The following CILK1 variants were observed in gnomAD, a reference collection of about 807,000 sequenced individuals.
The protein encoded by CILK1 is serine/threonine-protein kinase ICK.
A neutral mutation model predicts 79.2 loss-of-function variants in CILK1; 47 were observed. The ratio of observed to expected loss-of-function variants is 0.59; its 90% CI spans 0.47 to 0.76. The LOEUF (loss-of-function observed/expected upper bound fraction) is 0.76, where lower values mean the gene tolerates loss of function less well. Among genes scored for constraint, CILK1 ranks in the 30% least tolerant of loss-of-function variants. The probability of loss-of-function intolerance (pLI) is 0.00; values close to 1 mark genes in which losing one functional copy is unlikely to be tolerated. For missense variants in CILK1, 660 were observed against 769.5 expected, an observed-to-expected ratio of 0.86 and a Z score of 1.68; for synonymous variants, 266 against 275.9, an observed-to-expected ratio of 0.96 and a Z score of 0.36.
chr6:53,006,627 C>T (rs1404772992), intron 12 of CILK1, among the ~76,000 whole-genome samples, 190 bp from the exon 13 acceptor site: 1 of 152,134 alleles, frequency 6.6e-6, no homozygotes, highest in African/African-American at 2.4e-5. Context: ...ACTGCGGGGG[C>T]CAAAGACAGT....
At chr6:53,019,486 A>G in intron 5 of CILK1, 127 bp from the exon 6 acceptor site, 1 of 944,586 alleles carries the variant, frequency 1.1e-6, no homozygotes, top group Non-Finnish European at 1.6e-6. Flanking sequence ...CAAAGGCTTT[A>G]TGCATTCATC....
intron 2 of CILK1, among the ~76,000 whole-genome samples, chr6:53,038,491 G>C (rs941401270): frequency 3.9e-5 from 6 of 152,180 alleles, no homozygotes; most frequent in Admixed American, 2.0e-4. Flanking sequence ...CTAGACAGCA[G>C]AGTTCTAGAC....
chr6:53,010,105 C>A lies in CILK1; in HGVS notation c.1493-538G>T, dbSNP rs116431040. On this transcript the variant is annotated intron_variant, in intron 11 of 13. Transcript: ENST00000676107. ...ACAACCAAAAAGAAATAAAATAGCT[C>A]TCTGATTCACTCCCTGCTCCTTTTT... Among the ~76,000 whole-genome samples the A allele has an allele frequency of 9.3e-3, 1,414 of 152,300 alleles. 19 individuals are homozygous for A. Among genetic ancestry groups the A allele is most frequent in the African/African-American group, 0.031 (1,307 of 41,562 alleles).
intron 1 of CILK1, among the ~76,000 whole-genome samples, chr6:53,058,151 A>G (rs1768062085): frequency 6.6e-6 from 1 of 152,204 alleles, no homozygotes; most frequent in Non-Finnish European, 1.5e-5. Flanking sequence ...AATCAGGAAT[A>G]GAAGCCTTCT....
intron 1 of CILK1, among the ~76,000 whole-genome samples, chr6:53,053,239 G>A (rs533240333): frequency 6.6e-6 from 1 of 152,226 alleles, no homozygotes; most frequent in South Asian, 2.1e-4. Context: ...AACACTGCTT[G>A]AGAAGTGAAT....
intron 1 of CILK1, among the ~76,000 whole-genome samples, chr6:53,059,935 T>C (rs1247088900): frequency 6.6e-6 from 1 of 152,330 alleles, no homozygotes; most frequent in South Asian, 2.1e-4. Flanking sequence ...GCTGTTGCAG[T>C]ACTGCAGGAG....
chr6:53,016,272 A>C, intron 7 of CILK1, 22 bp from the exon 8 acceptor site: 1 of 1,613,698 alleles, frequency 6.2e-7, no homozygotes, highest in Admixed American at 1.7e-5. Context: ...AAAAGATAGA[A>C]AATCTTGCTC....
At chr6:53,021,999 G>A (rs1012218894) in intron 5 of CILK1, among the ~76,000 whole-genome samples, 2 of 151,968 alleles carry the variant, frequency 1.3e-5, no homozygotes, top group Non-Finnish European at 2.9e-5. Flanking sequence ...GTGTGTATTT[G>A]TGTCTTAGTT....
intron 1 of CILK1, among the ~76,000 whole-genome samples, chr6:53,058,353 A>C (rs932986857): frequency 6.6e-5 from 10 of 152,216 alleles, no homozygotes; most frequent in African/African-American, 2.4e-4. Flanking sequence ...TCTTCCTGCC[A>C]CAACATTTCC....
At chr6:53,029,615 ACT>A in intron 5 of CILK1, among the ~76,000 whole-genome samples, 1 of 152,236 alleles carries the variant, frequency 6.6e-6, no homozygotes, top group East Asian at 1.9e-4. Flanking sequence ...TTTTCTACTC[ACT>A]GTTAATTTAC....
In CILK1 at chr6:53,043,987, AGAG is replaced by A. The variant is rs570560722; in HGVS notation, c.-172-2582_-172-2580del. Reference sequence around the variant, plus strand: ...CTAGCACTCCAAGAAGCAGAAACTAAGAGGCAGGGCTTGAAATTAGGGGGTGGG... The same window carrying A: ...CTAGCACTCCAAGAAGCAGAAACTAAGCAGGGCTTGAAATTAGGGGGTGGG... On this transcript the variant is annotated intron_variant, in intron 1 of 13. Coordinates refer to ENST00000676107, the MANE Select transcript of CILK1 (RefSeq NM_014920.5). Among the ~76,000 whole-genome samples the A allele has an allele frequency of 2.2e-3, 331 of 152,248 alleles. 3 individuals are homozygous for A. The highest frequency in any genetic ancestry group is 7.5e-3 in the African/African-American group (310 of 41,540).
intron 5 of CILK1, among the ~76,000 whole-genome samples, chr6:53,021,850 G>A (rs1765265069): frequency 6.6e-6 from 1 of 151,896 alleles, no homozygotes; most frequent in Admixed American, 6.6e-5. Flanking sequence ...CCTTCAGGAG[G>A]TACCTAGAAG....
In CILK1 at chr6:53,003,797, T is replaced by G. The variant is rs1445059582; in HGVS notation, c.*1352A>C. ...TTATCCTGGAACCAATAGAGAGTAG[T>G]TTGAGCCCTAGGAGAATATGAATCA... On this transcript the variant is annotated 3_prime_UTR_variant, in exon 14 of 14. Coordinates refer to ENST00000676107, the MANE Select transcript of CILK1 (RefSeq NM_014920.5). The G allele has an allele frequency of 6.6e-6, 1 of 152,590 alleles. No homozygotes were observed. Among genetic ancestry groups the G allele is most frequent in the East Asian group, 1.9e-4 (1 of 5,192 alleles). The allele number at this position is 152,590 out of a possible 1,614,324, so 9.5% of individuals were successfully genotyped here.
chr6:53,043,615 T>G (rs1382324739), intron 1 of CILK1, among the ~76,000 whole-genome samples: 2 of 152,154 alleles, frequency 1.3e-5, no homozygotes, highest in Non-Finnish European at 2.9e-5. Flanking sequence ...TTTAGGGTGA[T>G]GTATTCCATT....
chr6:53,045,791 T>TAAAAA (rs34673433), intron 1 of CILK1, among the ~76,000 whole-genome samples: 11 of 113,300 alleles, frequency 9.7e-5, no homozygotes, highest in East Asian at 2.6e-4. Flanking sequence ...GTCATCTTCC[T>TAAAAA]AAAAAAAAAA....
chr6:53,030,377 T>G (rs149408541), intron 5 of CILK1, among the ~76,000 whole-genome samples: 4 of 152,328 alleles, frequency 2.6e-5, no homozygotes, highest in Non-Finnish European at 5.9e-5. Context: ...CTCTCTGGTC[T>G]TGGTATCAAG....
rs940974411 is a variant in CILK1, at chr6:53,005,000, G to C, written c.*149C>G. 1.2e-6 allele frequency: 1 copy of C among 851,080 alleles called. No individual in the cohort carries two copies. The highest frequency in any genetic ancestry group is 1.8e-6 in the Non-Finnish European group (1 of 547,140). The allele number at this position is 851,080 out of a possible 1,614,324, so 52.7% of individuals were successfully genotyped here. A position where few individuals can be genotyped will look rare whatever the true frequency, so the allele number is the denominator to read the frequency against. ...TATTTTAAAAAAAAACTTTAAAAAAGAATATTGACATGTCTTAGTTCAGAA... is the reference window on the plus strand; with the variant it reads ...TATTTTAAAAAAAAACTTTAAAAAACAATATTGACATGTCTTAGTTCAGAA... On this transcript the variant is annotated 3_prime_UTR_variant, in exon 14 of 14. Coordinates refer to ENST00000676107, the MANE Select transcript of CILK1 (RefSeq NM_014920.5).
intron 1 of CILK1, among the ~76,000 whole-genome samples, chr6:53,055,544 T>G (rs747181372): frequency 2.0e-5 from 3 of 152,246 alleles, no homozygotes; most frequent in Non-Finnish European, 4.4e-5. Context: ...TGCATTCAGC[T>G]ATTGCATCAA....
At chr6:53,021,978 C>T (rs1004948221) in intron 5 of CILK1, among the ~76,000 whole-genome samples, 1 of 151,638 alleles carries the variant, frequency 6.6e-6, no homozygotes, top group African/African-American at 2.4e-5. Context: ...CCTGTGTAGG[C>T]CTAGGCTAAT....
Sources: gnomAD v4.1 joint callset for allele counts (sites outside exome capture counted in the v4.1 genomes callset) on GRCh38, gnomAD v4.1.1 for gene constraint, MANE v1.5 for transcripts, NCBI Gene and HGNC (gene_info 2026-07-23, HGNC 2026-07-21) for gene names.